ARHGAP20: variants seen among roughly 807,000 people sequenced by gnomAD.
ARHGAP20 encodes the protein rho GTPase-activating protein 20.
A neutral mutation model predicts 73.7 loss-of-function variants in ARHGAP20; 34 were observed. That is an observed-to-expected ratio of 0.46 (90% CI 0.35 to 0.61). ARHGAP20 has a LOEUF of 0.61. Ranked by LOEUF, ARHGAP20 falls within the 20% of genes least tolerant of loss-of-function variation. The probability of loss-of-function intolerance (pLI) is 0.00; values close to 1 mark genes in which losing one functional copy is unlikely to be tolerated. For missense variants in ARHGAP20, 1,314 were observed against 1,420.9 expected, an observed-to-expected ratio of 0.92 and a Z score of 1.21; for synonymous variants, 523 against 518.2, an observed-to-expected ratio of 1.01 and a Z score of -0.13.
intron 1 of ARHGAP20, chr11:110,711,768 G>A (rs1950663422): frequency 7.4e-7 from 1 of 1,356,724 alleles, no homozygotes; most frequent in East Asian, 3.1e-5. Flanking sequence ...GGAGGCCCAG[G>A]GGCACGGCGA....
intron 12 of ARHGAP20, among the ~76,000 whole-genome samples, 197 bp from the exon 13 acceptor site, chr11:110,583,934 T>C (rs1392587044): frequency 6.6e-6 from 1 of 152,192 alleles, no homozygotes; most frequent in Non-Finnish European, 1.5e-5. Flanking sequence ...AATTTATTTT[T>C]TGTTTTTGTA....
At chr11:110,668,374 G>C (rs76632943) in intron 2 of ARHGAP20, among the ~76,000 whole-genome samples, 1 of 152,224 alleles carries the variant, frequency 6.6e-6, no homozygotes, top group Admixed American at 6.5e-5. Context: ...GCTGGACTGG[G>C]TGTGGTGGCT....
At chr11:110,670,586 A>G (rs1949808692) in intron 2 of ARHGAP20, among the ~76,000 whole-genome samples, 1 of 152,190 alleles carries the variant, frequency 6.6e-6, no homozygotes, top group Non-Finnish European at 1.5e-5. Context: ...CTTCCCACAA[A>G]CAAAACTCAA....
At chr11:110,688,045 T>C (rs1283557889) in intron 2 of ARHGAP20, among the ~76,000 whole-genome samples, 1 of 152,170 alleles carries the variant, frequency 6.6e-6, no homozygotes, top group Non-Finnish European at 1.5e-5. Flanking sequence ...TGCTTATATA[T>C]AAAATAGGTT....
At chr11:110,686,004 C>T (rs1240781699) in intron 2 of ARHGAP20, among the ~76,000 whole-genome samples, 1 of 151,956 alleles carries the variant, frequency 6.6e-6, no homozygotes, top group Non-Finnish European at 1.5e-5. Context: ...AGAAATTTCT[C>T]ATATTTCTGG....
At chr11:110,645,249 T>C (rs1319435376) in intron 2 of ARHGAP20, among the ~76,000 whole-genome samples, 1 of 152,052 alleles carries the variant, frequency 6.6e-6, no homozygotes, top group African/African-American at 2.4e-5. Flanking sequence ...CATCAAGTCA[T>C]CTGCCCGCCT....
intron 9 of ARHGAP20, among the ~76,000 whole-genome samples, chr11:110,597,660 A>G (rs1233589819): frequency 6.6e-6 from 1 of 152,174 alleles, no homozygotes; most frequent in Non-Finnish European, 1.5e-5. Flanking sequence ...GCTTTCACAC[A>G]TTTAAGAACA....
At chr11:110,599,026 C>T (rs1344274509) in intron 9 of ARHGAP20, among the ~76,000 whole-genome samples, 2 of 151,098 alleles carry the variant, frequency 1.3e-5, no homozygotes, top group Admixed American at 1.3e-4. Flanking sequence ...CCAGACCTCC[C>T]TGTGCTCTTG....
At chr11:110,624,394 C>T in intron 3 of ARHGAP20, 83 bp from the exon 4 acceptor site, 1 of 1,168,488 alleles carries the variant, frequency 8.6e-7, no homozygotes, top group South Asian at 1.7e-5. Context: ...GCATCATCCT[C>T]AGCAAACTAA....
intron 9 of ARHGAP20, among the ~76,000 whole-genome samples, chr11:110,595,892 T>C (rs1947945917): frequency 1.3e-5 from 2 of 152,042 alleles, no homozygotes; most frequent in Admixed American, 1.3e-4. Flanking sequence ...GACTTCAAAC[T>C]ATACTACAAG....
chr11:110,668,336 T>C (rs1429051746), intron 2 of ARHGAP20, among the ~76,000 whole-genome samples: 1 of 152,104 alleles, frequency 6.6e-6, no homozygotes, highest in African/African-American at 2.4e-5. Context: ...AAAATAAAGG[T>C]ATACAAATTG....
intron 6 of ARHGAP20, among the ~76,000 whole-genome samples, chr11:110,611,939 C>T (rs1002929058): frequency 1.3e-5 from 2 of 152,174 alleles, no homozygotes; most frequent in African/African-American, 4.8e-5. Flanking sequence ...CCATGTGTCA[C>T]ACACTGTGGC....
intron 1 of ARHGAP20, among the ~76,000 whole-genome samples, chr11:110,707,927 G>T (rs1950579113): frequency 6.6e-6 from 1 of 150,446 alleles, no homozygotes; most frequent in African/African-American, 2.4e-5. Flanking sequence ...GACACATGTG[G>T]CTCTTTAGAT....
intron 2 of ARHGAP20, among the ~76,000 whole-genome samples, chr11:110,633,206 C>T (rs951183536): frequency 7.9e-5 from 12 of 152,034 alleles, no homozygotes; most frequent in Admixed American, 2.0e-4. Flanking sequence ...CTTCATTATC[C>T]TAGCACCATT....
chr11:110,636,724 T>C (rs986885663), intron 2 of ARHGAP20, among the ~76,000 whole-genome samples: 2 of 151,946 alleles, frequency 1.3e-5, no homozygotes, highest in African/African-American at 4.8e-5. Flanking sequence ...CGGAAAAAAT[T>C]TTCATGGAAG....
At position 110,611,202 on chromosome 11, in the gene ARHGAP20, T is replaced by G. The variant is rs1194331545; in HGVS notation, c.708+107A>C. ...ATATTTTGGGGAATAAAATATGACT[T>G]TGGTATCTCTAATAATCAGCTGTCT... is the stretch of plus-strand genomic sequence containing the variant. On this transcript the variant is annotated intron_variant, in intron 7 of 14. Coordinates refer to ENST00000683387, the MANE Select transcript of ARHGAP20 (RefSeq NM_001384657.1). 22 of 625,260 alleles carry G rather than the reference T, an allele frequency of 3.5e-5. No individual in the cohort carries two copies. In the Admixed American group the frequency reaches 8.3e-4, roughly 24 times the overall value. The allele number at this position is 625,260 out of a possible 1,614,324, so 38.7% of individuals were successfully genotyped here. A position where few individuals can be genotyped will look rare whatever the true frequency, so the allele number is the denominator to read the frequency against.
intron 2 of ARHGAP20, among the ~76,000 whole-genome samples, chr11:110,682,590 C>T (rs1950057862): frequency 6.6e-6 from 1 of 152,096 alleles, no homozygotes; most frequent in African/African-American, 2.4e-5. Flanking sequence ...ATTTCTGCTA[C>T]TTAATGAGCC....
intron 11 of ARHGAP20, 23 bp from the exon 12 acceptor site, chr11:110,586,348 T>C: frequency 7.1e-7 from 1 of 1,411,404 alleles, no homozygotes; most frequent in Non-Finnish European, 9.7e-7. Flanking sequence ...GAAAAACAAA[T>C]ATTTCAAATA....
chr11:110,592,046 C>T lies in ARHGAP20; in HGVS notation c.1074G>A (p.Met358Ile). The T allele has an allele frequency of 6.2e-7, 1 of 1,614,134 alleles. No homozygotes were observed. Among genetic ancestry groups the T allele is most frequent in the Non-Finnish European group, 8.5e-7 (1 of 1,179,996 alleles). Residue 358 changes from methionine (M) to isoleucine (I), a missense_variant, in exon 10 of 15, where the codon ATG becomes ATA. Transcript: ENST00000683387. ...DNLPSSPTSPMPGQLFGISLP... is the reference protein window; with the variant it reads ...DNLPSSPTSPIPGQLFGISLP... ...GAGAAATTCCAAAGAGCTGTCCTGG[C>T]ATAGGTGATGTTGGCGATGAGGGCA...
Sources: gnomAD v4.1 joint callset for allele counts (sites outside exome capture counted in the v4.1 genomes callset) on GRCh38, gnomAD v4.1.1 for gene constraint, MANE v1.5 for transcripts, NCBI Gene and HGNC (gene_info 2026-07-23, HGNC 2026-07-21) for gene names.